The following ADAMTSL1 variants were observed in gnomAD, a reference collection of about 807,000 sequenced individuals.
ADAMTSL1 encodes the protein ADAMTS like 1.
A neutral mutation model predicts 201.8 loss-of-function variants in ADAMTSL1; 126 were observed. That is an observed-to-expected ratio of 0.62 (90% CI 0.54 to 0.72). ADAMTSL1 has a LOEUF of 0.72. ADAMTSL1 is among the 30% of genes least tolerant of loss of function. The pLI is 0.00. For synonymous variants in ADAMTSL1, 1,121 were observed against 903.4 expected (o/e 1.24, Z -4.32); for missense variants, 2,679 against 2,277.8 (o/e 1.18, Z -3.59).
intron 1 of ADAMTSL1, among the ~76,000 whole-genome samples, chr9:18,125,587 G>C (rs1825698943): frequency 6.6e-6 from 1 of 152,052 alleles, no homozygotes; most frequent in African/African-American, 2.4e-5. Context: ...GATCCATTTT[G>C]AGTTACATTT....
intron 4 of ADAMTSL1, among the ~76,000 whole-genome samples, chr9:18,595,831 T>G (rs775399301): frequency 6.6e-6 from 1 of 152,226 alleles, no homozygotes; most frequent in Non-Finnish European, 1.5e-5. Context: ...CTGGGCTGTT[T>G]CTGGGCTTGA....
intron 4 of ADAMTSL1, 123 bp downstream of exon 4, chr9:18,574,389 G>T (rs1367811814): frequency 2.2e-6 from 2 of 915,522 alleles, no homozygotes; most frequent in Non-Finnish European, 1.8e-6. Flanking sequence ...TGTAAATGGT[G>T]AAAGATTTGA....
At chr9:18,671,991 C>A (rs945805968) in intron 9 of ADAMTSL1, among the ~76,000 whole-genome samples, 1 of 152,096 alleles carries the variant, frequency 6.6e-6, no homozygotes, top group African/African-American at 2.4e-5. Context: ...GAGCCGAGAT[C>A]GCACCTCTGC....
intron 2 of ADAMTSL1, among the ~76,000 whole-genome samples, chr9:18,266,302 G>C (rs1299212596): frequency 6.6e-6 from 1 of 152,148 alleles, no homozygotes; most frequent in Non-Finnish European, 1.5e-5. Context: ...TCACATCTAG[G>C]AGACTATCAC....
chr9:18,546,115 CTTTCT>C (rs1820452649), intron 3 of ADAMTSL1, among the ~76,000 whole-genome samples: 1 of 152,118 alleles, frequency 6.6e-6, no homozygotes, highest in Non-Finnish European at 1.5e-5. Flanking sequence ...TAAACATTCT[CTTTCT>C]TTTAAGAGGA....
At chr9:18,359,955 G>T (rs1280258448) in intron 2 of ADAMTSL1, among the ~76,000 whole-genome samples, 2 of 151,688 alleles carry the variant, frequency 1.3e-5, no homozygotes, top group South Asian at 4.2e-4. Flanking sequence ...CAGCTCTATG[G>T]CAATAATACT....
chr9:18,098,481 G>A (rs1251668166), intron 1 of ADAMTSL1, among the ~76,000 whole-genome samples: 1 of 152,112 alleles, frequency 6.6e-6, no homozygotes, highest in Non-Finnish European at 1.5e-5. Context: ...TTATTTCAAA[G>A]CTATTGTAAG....
chr9:18,543,452 C>A (rs976696663), intron 3 of ADAMTSL1, among the ~76,000 whole-genome samples: 1 of 152,102 alleles, frequency 6.6e-6, no homozygotes, highest in South Asian at 2.1e-4. Context: ...CCCCTATCCA[C>A]CCTGTGATAA....
At chr9:18,530,972 C>T (rs1318260934) in intron 2 of ADAMTSL1, among the ~76,000 whole-genome samples, 2 of 152,140 alleles carry the variant, frequency 1.3e-5, no homozygotes, top group Non-Finnish European at 2.9e-5. Context: ...TACCAAAGAC[C>T]TTCCAGTTTT....
chr9:18,778,306 G>A (rs1045384966), intron 19 of ADAMTSL1, among the ~76,000 whole-genome samples: 5 of 152,166 alleles, frequency 3.3e-5, no homozygotes, highest in Non-Finnish European at 5.9e-5. Context: ...CACTGACTCC[G>A]TGTGTGTGGT....
chr9:18,303,158 A>G (rs1306408205), intron 2 of ADAMTSL1, among the ~76,000 whole-genome samples: 1 of 152,248 alleles, frequency 6.6e-6, no homozygotes, highest in East Asian at 1.9e-4. Flanking sequence ...TAGATGCTGA[A>G]TACCAGGTTT....
chr9:18,807,023 T>C, intron 20 of ADAMTSL1, among the ~76,000 whole-genome samples: 1 of 152,202 alleles, frequency 6.6e-6, no homozygotes, highest in Admixed American at 6.5e-5. Flanking sequence ...GTACTGTGGG[T>C]ACAATGAGGT....
intron 2 of ADAMTSL1, among the ~76,000 whole-genome samples, chr9:18,451,977 C>T (rs1426134945): frequency 1.3e-5 from 2 of 152,216 alleles, no homozygotes; most frequent in Admixed American, 6.5e-5. Flanking sequence ...ATGGCACAAT[C>T]TCAGCTCACC....
intron 1 of ADAMTSL1, among the ~76,000 whole-genome samples, chr9:17,956,886 T>C (rs921916426): frequency 1.1e-4 from 16 of 152,178 alleles, no homozygotes; most frequent in African/African-American, 3.9e-4. Flanking sequence ...CTGCCCCTGG[T>C]TTGAATATGA....
At chr9:18,481,810 G>T (rs1821741609) in intron 1 of ADAMTSL1, among the ~76,000 whole-genome samples, 1 of 152,072 alleles carries the variant, frequency 6.6e-6, no homozygotes, top group Non-Finnish European at 1.5e-5. Flanking sequence ...CAATTTTTTA[G>T]TTAATATTCT....
intron 20 of ADAMTSL1, among the ~76,000 whole-genome samples, chr9:18,816,326 T>A (rs1327372073): frequency 6.6e-6 from 1 of 152,194 alleles, no homozygotes; most frequent in Non-Finnish European, 1.5e-5. Flanking sequence ...ACCTTCCACC[T>A]CCCAGGTTCA....
intron 16 of ADAMTSL1, among the ~76,000 whole-genome samples, chr9:18,770,306 G>A (rs1312771398): frequency 1.3e-5 from 2 of 152,180 alleles, no homozygotes; most frequent in Non-Finnish European, 2.9e-5. Context: ...TAAACCAGTT[G>A]TCTTGGATGG....
At chr9:18,030,774 C>A (rs1820917435) in intron 1 of ADAMTSL1, among the ~76,000 whole-genome samples, 1 of 152,080 alleles carries the variant, frequency 6.6e-6, no homozygotes, top group South Asian at 2.1e-4. Flanking sequence ...TGCTTACTTT[C>A]TCTCCTTCTC....
chr9:18,378,606 C>A (rs1157653905), intron 2 of ADAMTSL1, among the ~76,000 whole-genome samples: 1 of 152,066 alleles, frequency 6.6e-6, no homozygotes, highest in East Asian at 1.9e-4. Context: ...CACACCTCAC[C>A]CTCTTCAGAA....
Sources: allele counts gnomAD v4.1 joint callset (sites outside exome capture counted in the v4.1 genomes callset), GRCh38; gene constraint gnomAD v4.1.1; transcripts MANE v1.5; gene names NCBI Gene and HGNC (gene_info 2026-07-23, HGNC 2026-07-21).